NT5DC1: variants seen among roughly 807,000 people sequenced by gnomAD.
NT5DC1 encodes the protein 5'-nucleotidase domain-containing protein 1.
NT5DC1 carries 42 observed loss-of-function variants against 59.4 expected under a neutral mutation model. The observed-to-expected ratio is 0.71, with a 90% CI of 0.55 to 0.92. NT5DC1 has a LOEUF of 0.92. Ranked by LOEUF, NT5DC1 falls within the 40% of genes least tolerant of loss-of-function variation. The probability of loss-of-function intolerance (pLI) is 0.00; values close to 1 mark genes in which losing one functional copy is unlikely to be tolerated. For synonymous variants in NT5DC1, 172 were observed against 188.1 expected, an observed-to-expected ratio of 0.91 and a Z score of 0.70; for missense variants, 501 against 537.1, an observed-to-expected ratio of 0.93 and a Z score of 0.66.
chr6:116,109,293 C>T (rs528014649), intron 3 of NT5DC1, among the ~76,000 whole-genome samples: 1 of 152,296 alleles, frequency 6.6e-6, no homozygotes, highest in African/African-American at 2.4e-5. Context: ...CCGACCTTCC[C>T]CTAAGGTGCA....
At chr6:116,210,605 A>G (rs113619267) in intron 6 of NT5DC1, among the ~76,000 whole-genome samples, 47 of 152,122 alleles carry the variant, frequency 3.1e-4, no homozygotes, top group African/African-American at 1.1e-3. Flanking sequence ...TATGAGGATT[A>G]AATCCATTAA....
chr6:116,135,816 G>T, intron 6 of NT5DC1, among the ~76,000 whole-genome samples: 1 of 113,308 alleles, frequency 8.8e-6, no homozygotes, highest in African/African-American at 3.2e-5. Flanking sequence ...TATATTTATG[G>T]TATACAATAT....
intron 6 of NT5DC1, among the ~76,000 whole-genome samples, chr6:116,173,420 T>C (rs1780657823): frequency 6.6e-6 from 1 of 152,208 alleles, no homozygotes; most frequent in South Asian, 2.1e-4. Flanking sequence ...AGCTGTGTGA[T>C]TTTTGGACAG....
chr6:116,246,405 A>C lies in NT5DC1; in HGVS notation c.*2381A>C, dbSNP rs1442545078. ...CTAAAATCAACTTCTGAGTTTGTTA[A>C]ACTCTAAACTGAAATCAAGTATTAT... is the stretch of plus-strand genomic sequence containing the variant. On this transcript the variant is annotated 3_prime_UTR_variant, in exon 12 of 12. Coordinates refer to ENST00000319550, the MANE Select transcript of NT5DC1 (RefSeq NM_152729.3). The C allele has an allele frequency of 1.3e-5, 2 of 151,884 alleles. No homozygotes were observed. Among genetic ancestry groups the C allele is most frequent in the African/African-American group, 4.8e-5 (2 of 41,366 alleles). 9.4% of individuals were successfully genotyped at this position (151,884 alleles called of 1,614,324 possible). A position where few individuals can be genotyped will look rare whatever the true frequency, so the allele number is the denominator to read the frequency against.
intron 6 of NT5DC1, among the ~76,000 whole-genome samples, chr6:116,219,097 A>G (rs2114537885): frequency 6.6e-6 from 1 of 152,176 alleles, no homozygotes; most frequent in Non-Finnish European, 1.5e-5. Context: ...TTAAGGCTGC[A>G]GTAAGTCATG....
chr6:116,170,167 T>C (rs758979357), intron 6 of NT5DC1, among the ~76,000 whole-genome samples: 42 of 152,230 alleles, frequency 2.8e-4, no homozygotes, highest in Admixed American at 5.2e-4. Context: ...AAACATTCTG[T>C]CGGTTTTGCT....
intron 3 of NT5DC1, among the ~76,000 whole-genome samples, chr6:116,109,997 G>C (rs1219428466): frequency 6.6e-6 from 1 of 152,148 alleles, no homozygotes; most frequent in African/African-American, 2.4e-5. Context: ...ATATCCCTAT[G>C]TGTACTATGT....
intron 6 of NT5DC1, among the ~76,000 whole-genome samples, chr6:116,173,903 C>T (rs1347859202): frequency 2.0e-5 from 3 of 152,146 alleles, no homozygotes; most frequent in African/African-American, 7.2e-5. Context: ...TGTCCTTTTC[C>T]TGTCCCATAA....
At chr6:116,142,077 G>C (rs1413409253) in intron 6 of NT5DC1, among the ~76,000 whole-genome samples, 1 of 151,948 alleles carries the variant, frequency 6.6e-6, no homozygotes, top group Non-Finnish European at 1.5e-5. Flanking sequence ...GTAACAAATG[G>C]AATTGATATT....
rs541739101 is a variant in NT5DC1, at chr6:116,243,227, C to T, written c.1253-682C>T. Among the ~76,000 whole-genome samples, 216 of 152,262 alleles carry T rather than the reference C, an allele frequency of 1.4e-3. 2 individuals carry two copies. The highest frequency in any genetic ancestry group is 6.8e-3 in the Middle Eastern group (2 of 294). ...GAAGATTATTCTTAGTAACCCTCAT[C>T]CTGTGACTATGAAGAAGATTATTAG... is the stretch of plus-strand genomic sequence containing the variant. On this transcript the variant is annotated intron_variant, in intron 11 of 11. Transcript: ENST00000319550.
chr6:116,242,926 T>TA (rs1771764878), intron 11 of NT5DC1, among the ~76,000 whole-genome samples: 1 of 152,224 alleles, frequency 6.6e-6, no homozygotes, highest in South Asian at 2.1e-4. Context: ...TAGTAGCCCT[T>TA]ACCACCAGCC....
intron 11 of NT5DC1, among the ~76,000 whole-genome samples, chr6:116,239,397 G>C (rs1417856620): frequency 6.6e-6 from 1 of 152,062 alleles, no homozygotes; most frequent in Non-Finnish European, 1.5e-5. Context: ...GCCCAGTAAG[G>C]TGAACCTGGC....
intron 6 of NT5DC1, among the ~76,000 whole-genome samples, chr6:116,163,962 C>A (rs1459324061): frequency 6.6e-6 from 1 of 152,054 alleles, no homozygotes; most frequent in Non-Finnish European, 1.5e-5. Context: ...TGAGAGGATA[C>A]CTGATATTAT....
chr6:116,241,019 C>G (rs1434103045), intron 11 of NT5DC1, among the ~76,000 whole-genome samples: 2 of 151,848 alleles, frequency 1.3e-5, no homozygotes, highest in East Asian at 3.9e-4. Context: ...TAGCAGGTGC[C>G]TGTAATCCCA....
At position 116,245,383 on chromosome 6, in the gene NT5DC1, A is replaced by G. The variant is rs919876794; in HGVS notation, c.*1359A>G. 4.6e-5 allele frequency: 7 copies of G among 152,592 alleles called. No individual in the cohort carries two copies. The highest frequency in any genetic ancestry group is 1.7e-4 in the African/African-American group (7 of 41,444). 9.5% of individuals were successfully genotyped at this position (152,592 alleles called of 1,614,324 possible). On this transcript the variant is annotated 3_prime_UTR_variant, in exon 12 of 12. Transcript: ENST00000319550. ...GCATATCGATGCATGCAATGGAAAG[A>G]AAAAAAATTTGTTAAAATTTGTAAA...
chr6:116,215,152 T>G (rs1781665644), intron 6 of NT5DC1, among the ~76,000 whole-genome samples: 1 of 152,142 alleles, frequency 6.6e-6, no homozygotes, highest in Admixed American at 6.6e-5. Context: ...CTCTACAATC[T>G]AATCACCTAA....
intron 6 of NT5DC1, among the ~76,000 whole-genome samples, chr6:116,158,069 T>C (rs959118328): frequency 5.3e-5 from 8 of 152,228 alleles, no homozygotes; most frequent in Admixed American, 4.6e-4. Context: ...GCTTCAGCTC[T>C]CAAAAAGTCA....
Position 116,246,182 on chromosome 6 carries a change from T to C in NT5DC1, c.*2158T>C, listed in dbSNP as rs996812265. On this transcript the variant is annotated 3_prime_UTR_variant, in exon 12 of 12. Coordinates refer to ENST00000319550, the MANE Select transcript of NT5DC1 (RefSeq NM_152729.3). ...ATAAATGGACAGAAGACATGTAATA[T>C]TCGCATACAGGCAAACATTCATAAT... is the stretch of plus-strand genomic sequence containing the variant. 3 of 152,104 alleles carry C rather than the reference T, an allele frequency of 2.0e-5. No individual in the cohort carries two copies. The highest frequency in any genetic ancestry group is 7.2e-5 in the African/African-American group (3 of 41,436). 9.4% of individuals were successfully genotyped at this position (152,104 alleles called of 1,614,324 possible). A position where few individuals can be genotyped will look rare whatever the true frequency, so the allele number is the denominator to read the frequency against.
In NT5DC1 at chr6:116,220,122, C is replaced by CTTTTTTTTTT. The variant is rs60827021; in HGVS notation, c.530-918_530-909dup. 8.6e-3 allele frequency among the ~76,000 whole-genome samples: 847 copies of CTTTTTTTTTT among 98,590 alleles called. 37 individuals are homozygous for CTTTTTTTTTT. The highest frequency in any genetic ancestry group is 0.032 in the African/African-American group (739 of 23,016). The allele number at this position is 98,590 out of a possible 152,430, so 64.7% of individuals were successfully genotyped here. ...TATCATTCAGTACAAGCTGTTTAAC[C>CTTTTTTTTTT]TTTTTTTTTTTTTTTTTTTTTTTGT... On this transcript the variant is annotated intron_variant, in intron 6 of 11. Transcript: ENST00000319550.
Sources: allele counts gnomAD v4.1 joint callset (sites outside exome capture counted in the v4.1 genomes callset), GRCh38; gene constraint gnomAD v4.1.1; transcripts MANE v1.5; gene names NCBI Gene and HGNC (gene_info 2026-07-23, HGNC 2026-07-21).